Variants in ENTREP2 observed in about 807,000 individuals in gnomAD.
The protein encoded by ENTREP2 is endosomal transmembrane epsin interactor 2.
chr15:29,158,408 T>C, the ENTREP2 span, among the ~76,000 whole-genome samples: 65,305 of 141,016 alleles, frequency 0.46, 15,686 homozygotes, highest in East Asian at 0.66. Context: ...TCTCTGCCTT[T>C]TTTTTTTTTT....
At chr15:29,592,443 T>C in the ENTREP2 span, among the ~76,000 whole-genome samples, 1 of 152,190 alleles carries the variant, frequency 6.6e-6, no homozygotes, top group African/African-American at 2.4e-5. Flanking sequence ...AGGGCCTTCT[T>C]ACCATGTCAT....
At chr15:29,178,773 T>C in the ENTREP2 span, among the ~76,000 whole-genome samples, 1 of 152,118 alleles carries the variant, frequency 6.6e-6, no homozygotes, top group Non-Finnish European at 1.5e-5. Context: ...ATAAATCTTC[T>C]CCTTATCTAA....
the ENTREP2 span, among the ~76,000 whole-genome samples, chr15:29,222,162 T>A: frequency 9.2e-5 from 14 of 152,300 alleles, no homozygotes; most frequent in Non-Finnish European, 1.8e-4. Flanking sequence ...TAAAACAGTT[T>A]GCAGTAAAGA....
At chr15:29,674,265 T>TTTTTTG in the ENTREP2 span, among the ~76,000 whole-genome samples, 3 of 151,882 alleles carry the variant, frequency 2.0e-5, no homozygotes, top group East Asian at 3.9e-4. Context: ...CAGAGTTGTT[T>TTTTTTG]TTTTTGTTTT....
chr15:29,553,114 G>A, the ENTREP2 span, among the ~76,000 whole-genome samples: 3 of 152,194 alleles, frequency 2.0e-5, no homozygotes, highest in African/African-American at 4.8e-5. Flanking sequence ...TAGCCAGCAT[G>A]GCGAAACCCC....
At chr15:29,373,095 A>G in the ENTREP2 span, among the ~76,000 whole-genome samples, 6 of 151,870 alleles carry the variant, frequency 4.0e-5, no homozygotes, top group African/African-American at 1.5e-4. Context: ...TTAAAAGACA[A>G]ACAAACTGAC....
At chr15:29,415,932 C>T in the ENTREP2 span, among the ~76,000 whole-genome samples, 1 of 152,158 alleles carries the variant, frequency 6.6e-6, no homozygotes, top group Non-Finnish European at 1.5e-5. Context: ...AGAAATCCAA[C>T]TTACAAGGGA....
chr15:29,392,467 G>T, the ENTREP2 span, among the ~76,000 whole-genome samples: 1 of 150,614 alleles, frequency 6.6e-6, no homozygotes, highest in Non-Finnish European at 1.5e-5. Context: ...TTGAAAAATA[G>T]TTACGCTGGA....
At chr15:29,163,498 G>T in the ENTREP2 span, among the ~76,000 whole-genome samples, 3 of 151,932 alleles carry the variant, frequency 2.0e-5, no homozygotes, top group African/African-American at 7.2e-5. Context: ...GGAAAAATTG[G>T]ACACACTTAT....
chr15:29,353,098 G>A, the ENTREP2 span, among the ~76,000 whole-genome samples: 1 of 152,108 alleles, frequency 6.6e-6, no homozygotes, highest in Non-Finnish European at 1.5e-5. Context: ...GTCAGAAAAT[G>A]TGGGATAGCA....
chr15:29,517,076 C>T, the ENTREP2 span, among the ~76,000 whole-genome samples: 1 of 151,288 alleles, frequency 6.6e-6, no homozygotes, highest in Non-Finnish European at 1.5e-5. Context: ...GGCAGCAGCT[C>T]AGGAGGAGGA....
chr15:29,569,964 C>A, the ENTREP2 span: 1 of 152,062 alleles, frequency 6.6e-6, no homozygotes, highest in Non-Finnish European at 1.5e-5. Context: ...AGTCAGCGAG[C>A]GACCACAGGG....
At chr15:29,449,684 C>T in the ENTREP2 span, among the ~76,000 whole-genome samples, 1 of 152,174 alleles carries the variant, frequency 6.6e-6, no homozygotes, top group Non-Finnish European at 1.5e-5. Context: ...CAAAATTACA[C>T]CAAACTTGTT....
chr15:29,557,066 G>T, the ENTREP2 span, among the ~76,000 whole-genome samples: 1 of 152,200 alleles, frequency 6.6e-6, no homozygotes, highest in African/African-American at 2.4e-5. Flanking sequence ...GACTTAGAAA[G>T]AACACAGATG....
At chr15:29,457,339 G>A in the ENTREP2 span, among the ~76,000 whole-genome samples, 1 of 152,214 alleles carries the variant, frequency 6.6e-6, no homozygotes, top group South Asian at 2.1e-4. Context: ...TAACAGCTTT[G>A]AGCCTCAACG....
At chr15:29,485,813 T>C in the ENTREP2 span, among the ~76,000 whole-genome samples, 1 of 152,186 alleles carries the variant, frequency 6.6e-6, no homozygotes, top group Non-Finnish European at 1.5e-5. Context: ...CACAATGATA[T>C]ATACCATCCC....
chr15:29,645,609 G>C, the ENTREP2 span, among the ~76,000 whole-genome samples: 1 of 151,954 alleles, frequency 6.6e-6, no homozygotes, highest in Non-Finnish European at 1.5e-5. Context: ...CCAGGCTGCA[G>C]TGCAGTGGTG....
the ENTREP2 span, among the ~76,000 whole-genome samples, chr15:29,325,562 C>T: frequency 2.6e-5 from 4 of 152,038 alleles, no homozygotes; most frequent in South Asian, 2.1e-4. Context: ...AGAACTAGAT[C>T]GTCTGAACAG....
chr15:29,199,797 C>T, the ENTREP2 span, among the ~76,000 whole-genome samples: 1 of 152,132 alleles, frequency 6.6e-6, no homozygotes, highest in Non-Finnish European at 1.5e-5. Flanking sequence ...GATCTAAGAA[C>T]TCTGCCTAGC....
Sources: gnomAD v4.1 joint callset for allele counts (sites outside exome capture counted in the v4.1 genomes callset) on GRCh38, gnomAD v4.1.1 for gene constraint, MANE v1.5 for transcripts, NCBI Gene and HGNC (gene_info 2026-07-23, HGNC 2026-07-21) for gene names.